The following DPY19L4 variants were observed in gnomAD, a reference collection of about 807,000 sequenced individuals.
The protein encoded by DPY19L4 is dpy-19 like 4, also known as probable C-mannosyltransferase DPY19L4.
DPY19L4 carries 97 observed loss-of-function variants against 102.8 expected under a neutral mutation model. That is an observed-to-expected ratio of 0.94 (90% confidence interval 0.80 to 1.12). The LOEUF (loss-of-function observed/expected upper bound fraction) is 1.12, where lower values mean the gene tolerates loss of function less well. Ranked by LOEUF, DPY19L4 falls within the 50% of genes most tolerant of loss-of-function variation. DPY19L4 has a pLI of 0.00. For missense variants in DPY19L4, 815 were observed against 850.4 expected (o/e 0.96, Z 0.52); for synonymous variants, 252 against 283.1 (o/e 0.89, Z 1.10).
chr8:94,756,792 G>C (rs1301265043), intron 7 of DPY19L4, among the ~76,000 whole-genome samples: 2 of 144,886 alleles, frequency 1.4e-5, no homozygotes, highest in African/African-American at 2.9e-5. Flanking sequence ...GGGAGGCTGA[G>C]AGGGGCGGAC....
intron 4 of DPY19L4, among the ~76,000 whole-genome samples, chr8:94,738,892 TGTA>T (rs1287953766): frequency 2.0e-5 from 3 of 152,308 alleles, no homozygotes; most frequent in Admixed American, 2.0e-4. Flanking sequence ...TTACTTTACA[TGTA>T]GTAATTGTGC....
intron 8 of DPY19L4, among the ~76,000 whole-genome samples, chr8:94,764,681 C>CTGTGTGTGTGTGTGTGTG (rs1283759337): frequency 5.0e-4 from 35 of 70,032 alleles, no homozygotes; most frequent in African/African-American, 1.8e-3. Flanking sequence ...GTGTGTGTGT[C>CTGTGTGTGTGTGTGTGTG]TGTGTGTGTA....
rs533542524 is a variant in DPY19L4 at position 94,733,326 on chromosome 8, C to T, written c.128-1304C>T. On this transcript the variant is annotated intron_variant, in intron 2 of 18. Coordinates refer to ENST00000414645, the MANE Select transcript of DPY19L4 (RefSeq NM_181787.3). The stretch of plus-strand genomic sequence containing the variant: ...TTTTTTAATAGAGACGGGGTTTCAC[C>T]GTGTTAGCCAGGATGGTCTCGATCT... 1.1e-3 allele frequency among the ~76,000 whole-genome samples: 168 copies of T among 151,570 alleles called. 1 individual carries two copies. The highest frequency in any genetic ancestry group is 3.5e-3 in the Middle Eastern group (1 of 288).
At chr8:94,783,518 A>G (rs922504781) in intron 16 of DPY19L4, 152 bp from the exon 17 acceptor site, 1 of 1,159,548 alleles carries the variant, frequency 8.6e-7, no homozygotes, top group South Asian at 1.8e-5. Context: ...ATTTTTTTGA[A>G]TGAATCCATG....
At chr8:94,733,576 C>G (rs1432566319) in intron 2 of DPY19L4, among the ~76,000 whole-genome samples, 10 of 152,090 alleles carry the variant, frequency 6.6e-5, no homozygotes, top group Non-Finnish European at 5.9e-5. Flanking sequence ...GAGTCTTGCT[C>G]TGTTGCCCAG....
intron 8 of DPY19L4, among the ~76,000 whole-genome samples, chr8:94,764,713 A>ATTTTTTTTTTTTTTTT (rs1563601319): frequency 1.7e-5 from 1 of 58,394 alleles, no homozygotes; most frequent in African/African-American, 9.0e-5. Context: ...ATATATATAT[A>ATTTTTTTTTTTTTTTT]TATATTTTTT....
chr8:94,745,034 A>T, intron 6 of DPY19L4: 1 of 159,018 alleles, frequency 6.3e-6, no homozygotes, highest in East Asian at 1.8e-4. Context: ...TTTATATATG[A>T]CTTCTTAGAA....
At chr8:94,721,774 A>G (rs1221721355) in intron 1 of DPY19L4, among the ~76,000 whole-genome samples, 1 of 152,254 alleles carries the variant, frequency 6.6e-6, no homozygotes, top group African/African-American at 2.4e-5. Flanking sequence ...AGCCAATATT[A>G]AAAGATTGTA....
rs1374366927 is a variant in DPY19L4 at position 94,777,646 on chromosome 8, A to G, written c.1455-20A>G. On this transcript the variant is annotated intron_variant, in intron 13 of 18. Coordinates refer to ENST00000414645, the MANE Select transcript of DPY19L4 (RefSeq NM_181787.3). ...ATGTTCACAGGATGTCTCATGTATG[A>G]CTCCATTTGTGTTTTCTAGCTTGAA... The G allele has an allele frequency of 6.2e-7, 1 of 1,606,724 alleles. No individual in the cohort carries two copies. Among genetic ancestry groups the G allele is most frequent in the South Asian group, 1.1e-5 (1 of 89,856 alleles).
intron 6 of DPY19L4, among the ~76,000 whole-genome samples, chr8:94,751,663 T>C (rs1178970729): frequency 1.3e-5 from 2 of 151,962 alleles, no homozygotes; most frequent in Admixed American, 1.3e-4. Context: ...CTGATTTTTG[T>C]ATTTTTAGTA....
At chr8:94,744,439 C>G (rs1202923886) in intron 6 of DPY19L4, 1 of 456,540 alleles carries the variant, frequency 2.2e-6, no homozygotes, top group Non-Finnish European at 4.4e-6. Flanking sequence ...TCTGTTATAA[C>G]CTCATCTTAG....
intron 13 of DPY19L4, among the ~76,000 whole-genome samples, chr8:94,776,026 CTTTTTTTTT>C (rs1165180641): frequency 1.0e-3 from 82 of 81,528 alleles, no homozygotes; most frequent in Non-Finnish European, 1.2e-3. Flanking sequence ...ATTTTTAAAT[CTTTTTTTTT>C]TTTTTTTTTT....
chr8:94,778,926 C>T (rs912892343), intron 14 of DPY19L4, among the ~76,000 whole-genome samples: 3 of 152,082 alleles, frequency 2.0e-5, no homozygotes, highest in African/African-American at 7.2e-5. Flanking sequence ...AAGGTGAGGC[C>T]ATGGGGTCCC....
At chr8:94,788,211 G>A (rs189778925) in intron 18 of DPY19L4, among the ~76,000 whole-genome samples, 159 bp downstream of exon 18, 12 of 151,484 alleles carry the variant, frequency 7.9e-5, no homozygotes, top group Non-Finnish European at 1.6e-4. Context: ...AAAGTAGTTT[G>A]GAGTATTTTT....
At chr8:94,758,821 G>A (rs554637018) in intron 7 of DPY19L4, among the ~76,000 whole-genome samples, 3 of 151,180 alleles carry the variant, frequency 2.0e-5, no homozygotes, top group Admixed American at 6.6e-5. Flanking sequence ...TGCAACCTCC[G>A]CCTCCCAAGT....
intron 2 of DPY19L4, 85 bp from the exon 3 acceptor site, chr8:94,734,545 G>C: frequency 7.1e-7 from 1 of 1,403,312 alleles, no homozygotes; most frequent in Non-Finnish European, 9.6e-7. Flanking sequence ...TGGGGACAAA[G>C]ACCATAGAGG....
intron 6 of DPY19L4, among the ~76,000 whole-genome samples, chr8:94,742,252 G>A (rs1441599909): frequency 6.6e-6 from 1 of 152,070 alleles, no homozygotes; most frequent in Non-Finnish European, 1.5e-5. Context: ...CAGCTACTCG[G>A]GAGGCTGAGG....
intron 7 of DPY19L4, 107 bp from the exon 8 acceptor site, chr8:94,761,593 C>T (rs536070654): frequency 2.9e-6 from 3 of 1,028,386 alleles, no homozygotes; most frequent in Admixed American, 7.7e-5. Flanking sequence ...AATTATATAG[C>T]TTAAAGTTGA....
Position 94,777,577 on chromosome 8 carries a change from G to A in DPY19L4, c.1455-89G>A, listed in dbSNP as rs190165959. 5.9e-5 allele frequency: 87 copies of A among 1,465,448 alleles called. No individual in the cohort carries two copies. The African/African-American group carries it at 1.2e-3, about 19-fold the overall frequency. The allele number at this position is 1,465,448 out of a possible 1,614,324, so 90.8% of individuals were successfully genotyped here. On this transcript the variant is annotated intron_variant, in intron 13 of 18. Coordinates refer to ENST00000414645, the MANE Select transcript of DPY19L4 (RefSeq NM_181787.3). ...TCCCTTAGCATTTTGGTATTTTCGT[G>A]AGTAGTAGGAAAGAGCTCAGAGAAC...
Sources: allele counts gnomAD v4.1 joint callset (sites outside exome capture counted in the v4.1 genomes callset), GRCh38; gene constraint gnomAD v4.1.1; transcripts MANE v1.5; gene names NCBI Gene and HGNC (gene_info 2026-07-23, HGNC 2026-07-21).